The following TDP1 variants were observed in gnomAD, a reference collection of about 807,000 sequenced individuals.
TDP1 encodes tyrosyl-DNA phosphodiesterase 1.
Under a neutral mutation model 81.5 loss-of-function variants are expected in TDP1, and 64 were observed. The ratio of observed to expected loss-of-function variants is 0.79; its 90% CI spans 0.64 to 0.97. The LOEUF (loss-of-function observed/expected upper bound fraction) is 0.97, where lower values mean the gene tolerates loss of function less well. TDP1 is among the 50% of genes least tolerant of loss of function. TDP1 has a pLI of 0.00. For missense variants in TDP1, 723 were observed against 743.8 expected (o/e 0.97, Z 0.33); for synonymous variants, 256 against 264.3 (o/e 0.97, Z 0.30).
chr14:89,974,254 T>C (rs951025214), intron 6 of TDP1, among the ~76,000 whole-genome samples: 1 of 152,240 alleles, frequency 6.6e-6, no homozygotes, highest in Non-Finnish European at 1.5e-5. Context: ...CAATATCTAT[T>C]GAAGCTATTA....
chr14:90,004,637 A>G (rs7150447), intron 14 of TDP1, among the ~76,000 whole-genome samples: 6,828 of 152,220 alleles, frequency 0.045, 513 homozygotes, highest in African/African-American at 0.15. Context: ...TGCTATTCTA[A>G]GTTTTAGTTA....
At chr14:89,995,871 A>G (rs1359388638) in intron 14 of TDP1, among the ~76,000 whole-genome samples, 3 of 152,202 alleles carry the variant, frequency 2.0e-5, no homozygotes, top group African/African-American at 7.2e-5. Context: ...CCTCCTGTGG[A>G]TGCCAGGCAC....
chr14:89,981,129 T>A (rs1022872437), intron 8 of TDP1, among the ~76,000 whole-genome samples: 1 of 152,250 alleles, frequency 6.6e-6, no homozygotes, highest in Non-Finnish European at 1.5e-5. Context: ...AAAGGAAAAG[T>A]TGGGGTAGGG....
chr14:90,024,264 C>G (rs2140287651), intron 15 of TDP1, among the ~76,000 whole-genome samples: 1 of 152,308 alleles, frequency 6.6e-6, no homozygotes, highest in African/African-American at 2.4e-5. Flanking sequence ...CGAGCCAGGT[C>G]CACCCTGCTA....
At chr14:90,004,192 C>G (rs1029766399) in intron 14 of TDP1, among the ~76,000 whole-genome samples, 2 of 152,092 alleles carry the variant, frequency 1.3e-5, no homozygotes, top group African/African-American at 4.8e-5. Context: ...GAGCATACCC[C>G]TTTCTGTACT....
intron 15 of TDP1, chr14:90,032,599 A>G (rs1025220368): frequency 3.2e-6 from 1 of 309,102 alleles, no homozygotes; most frequent in Non-Finnish European, 4.7e-6. Flanking sequence ...AGTTCTTGGA[A>G]TAAACCTTCC....
At chr14:90,015,338 T>G (rs1466746404) in intron 14 of TDP1, among the ~76,000 whole-genome samples, 4 of 152,232 alleles carry the variant, frequency 2.6e-5, no homozygotes, top group Non-Finnish European at 5.9e-5. Context: ...TTTTCAAGTT[T>G]ACTCTTAAAA....
chr14:90,011,315 T>C (rs1285569524), intron 14 of TDP1, among the ~76,000 whole-genome samples: 3 of 152,166 alleles, frequency 2.0e-5, no homozygotes, highest in Non-Finnish European at 2.9e-5. Context: ...GGTGCTGTTA[T>C]AAGGATACCC....
intron 15 of TDP1, chr14:90,022,772 C>G: frequency 5.1e-6 from 5 of 985,318 alleles, no homozygotes; most frequent in Non-Finnish European, 6.0e-6. Flanking sequence ...TTGGCCTTCA[C>G]AAAATTAACA....
intron 3 of TDP1, chr14:89,965,054 G>A: frequency 5.7e-6 from 1 of 176,570 alleles, no homozygotes; most frequent in South Asian, 9.9e-5. Context: ...AAAGGCCTTT[G>A]AAAGATGGGT....
At chr14:90,022,414 G>A (rs1251967322) in intron 15 of TDP1, among the ~76,000 whole-genome samples, 4 of 152,192 alleles carry the variant, frequency 2.6e-5, no homozygotes, top group Admixed American at 1.3e-4. Context: ...TTCTCCCTGG[G>A]TTCTGCAGCT....
intron 14 of TDP1, among the ~76,000 whole-genome samples, chr14:90,016,565 C>T (rs978484834): frequency 2.6e-5 from 4 of 152,220 alleles, no homozygotes; most frequent in Non-Finnish European, 5.9e-5. Context: ...TCAGTCCCTG[C>T]CTGTGGCTCC....
chr14:89,978,914 G>A (rs1317035345), intron 7 of TDP1, among the ~76,000 whole-genome samples: 5 of 152,142 alleles, frequency 3.3e-5, no homozygotes, highest in South Asian at 2.1e-4. Flanking sequence ...TTAATTTCTC[G>A]TTTTGGCAAG....
chr14:90,001,251 T>C (rs1897165653), intron 14 of TDP1, among the ~76,000 whole-genome samples: 1 of 152,218 alleles, frequency 6.6e-6, no homozygotes, highest in Non-Finnish European at 1.5e-5. Context: ...AATCTTCCCT[T>C]TTATTATTTT....
chr14:90,021,046 C>T (rs1390696884), intron 15 of TDP1, among the ~76,000 whole-genome samples: 1 of 152,076 alleles, frequency 6.6e-6, no homozygotes, highest in Non-Finnish European at 1.5e-5. Context: ...CCTGCCTCAG[C>T]CTCCCAAAGT....
At chr14:90,022,780 A>C (rs1295519774) in intron 15 of TDP1, 15 of 985,188 alleles carry the variant, frequency 1.5e-5, no homozygotes, top group Non-Finnish European at 1.8e-5. Flanking sequence ...CACAAAATTA[A>C]CATTGATGGT....
chr14:89,969,977 C>T (rs866634700), intron 5 of TDP1, among the ~76,000 whole-genome samples: 7 of 147,692 alleles, frequency 4.7e-5, no homozygotes, highest in East Asian at 4.0e-4. Flanking sequence ...CCCGGGTTCA[C>T]GCCATTCTCC....
chr14:89,989,129 C>G (rs1566879531), intron 11 of TDP1, 39 bp downstream of exon 11: 1 of 1,567,130 alleles, frequency 6.4e-7, no homozygotes, highest in African/African-American at 1.4e-5. Context: ...TACTTTTATT[C>G]TCTACACAGG....
intron 9 of TDP1, 146 bp downstream of exon 9, chr14:89,984,829 T>C: frequency 6.4e-7 from 1 of 1,562,732 alleles, no homozygotes; most frequent in East Asian, 2.3e-5. Flanking sequence ...GCAGATTCTA[T>C]CACATCTGTA....
Sources: gnomAD v4.1 joint callset for allele counts (sites outside exome capture counted in the v4.1 genomes callset) on GRCh38, gnomAD v4.1.1 for gene constraint, MANE v1.5 for transcripts, NCBI Gene and HGNC (gene_info 2026-07-23, HGNC 2026-07-21) for gene names.